The following SKAP1 variants were observed in gnomAD, a reference collection of about 807,000 sequenced individuals.
SKAP1 encodes the protein src kinase associated phosphoprotein 1.
A neutral mutation model predicts 58.5 loss-of-function variants in SKAP1; 44 were observed. The observed-to-expected ratio is 0.75, with a 90% CI of 0.59 to 0.97. The LOEUF (loss-of-function observed/expected upper bound fraction) is 0.97, where lower values mean the gene tolerates loss of function less well. Ranked by LOEUF, SKAP1 falls within the 50% of genes least tolerant of loss-of-function variation. The pLI is 0.00. For synonymous variants in SKAP1, 127 were observed against 149.7 expected (o/e 0.85, Z 1.11); for missense variants, 390 against 435.2 (o/e 0.90, Z 0.92).
At chr17:48,214,011 G>A (rs1427323265) in intron 4 of SKAP1, among the ~76,000 whole-genome samples, 2 of 152,114 alleles carry the variant, frequency 1.3e-5, no homozygotes, top group African/African-American at 4.8e-5. Context: ...AACAAAGAGG[G>A]ACATCAAATA....
At chr17:48,292,496 T>C (rs1180787869) in intron 4 of SKAP1, among the ~76,000 whole-genome samples, 3 of 151,862 alleles carry the variant, frequency 2.0e-5, no homozygotes, top group Non-Finnish European at 4.4e-5. Context: ...AAAGAAAAAA[T>C]ACATATTTTA....
intron 1 of SKAP1, among the ~76,000 whole-genome samples, chr17:48,414,744 A>G (rs1023127350): frequency 6.6e-6 from 1 of 152,218 alleles, no homozygotes; most frequent in Non-Finnish European, 1.5e-5. Context: ...GAGGCATGAT[A>G]TGATTATCAC....
chr17:48,348,671 G>A (rs552604055), intron 3 of SKAP1, among the ~76,000 whole-genome samples: 2 of 152,072 alleles, frequency 1.3e-5, no homozygotes, highest in East Asian at 3.9e-4. Flanking sequence ...TTCTGTTTTG[G>A]GATCCAATCC....
chr17:48,329,751 C>T (rs2144260111), intron 4 of SKAP1, among the ~76,000 whole-genome samples: 1 of 152,116 alleles, frequency 6.6e-6, no homozygotes, highest in South Asian at 2.1e-4. Context: ...ACTTCCTTTT[C>T]TGTGAGGCAG....
At chr17:48,373,575 C>T (rs745695419) in intron 2 of SKAP1, among the ~76,000 whole-genome samples, 2 of 152,186 alleles carry the variant, frequency 1.3e-5, no homozygotes, top group African/African-American at 2.4e-5. Context: ...AGCCTATGGG[C>T]ATGAATCAAC....
chr17:48,407,317 AG>A (rs1362264207), intron 1 of SKAP1, among the ~76,000 whole-genome samples: 1 of 152,208 alleles, frequency 6.6e-6, no homozygotes, highest in Non-Finnish European at 1.5e-5. Context: ...TATGGGGAAA[AG>A]GAGGAAGGAA....
intron 4 of SKAP1, among the ~76,000 whole-genome samples, chr17:48,306,206 A>T (rs2066139782): frequency 6.6e-6 from 1 of 152,242 alleles, no homozygotes; most frequent in African/African-American, 2.4e-5. Context: ...AAAAGATGGC[A>T]GATTAGTCCA....
chr17:48,409,820 A>T (rs950033581), intron 1 of SKAP1, among the ~76,000 whole-genome samples: 4 of 152,224 alleles, frequency 2.6e-5, no homozygotes, highest in African/African-American at 9.6e-5. Context: ...GACATCATGC[A>T]TTTGTTGAAA....
At chr17:48,405,820 T>C (rs1470353865) in intron 1 of SKAP1, among the ~76,000 whole-genome samples, 1 of 151,950 alleles carries the variant, frequency 6.6e-6, no homozygotes, top group East Asian at 1.9e-4. Flanking sequence ...TTTACACTTA[T>C]ATCTCAGTTC....
intron 3 of SKAP1, among the ~76,000 whole-genome samples, chr17:48,351,255 T>G (rs1053197028): frequency 2.2e-4 from 33 of 152,374 alleles, no homozygotes; most frequent in Non-Finnish European, 4.6e-4. Flanking sequence ...CATACCATTT[T>G]GCACATATTC....
At chr17:48,299,116 C>A (rs1309268802) in intron 4 of SKAP1, among the ~76,000 whole-genome samples, 1 of 152,148 alleles carries the variant, frequency 6.6e-6, no homozygotes, top group Non-Finnish European at 1.5e-5. Flanking sequence ...TGTGGGTGAT[C>A]ACAGAATGTT....
intron 10 of SKAP1, 81 bp downstream of exon 10, chr17:48,170,528 T>G (rs1267991086): frequency 5.9e-6 from 7 of 1,187,282 alleles, no homozygotes; most frequent in Middle Eastern, 1.9e-4. Flanking sequence ...GTAATTTTTG[T>G]AGTCTCAGAG....
intron 10 of SKAP1, among the ~76,000 whole-genome samples, chr17:48,169,502 TC>T (rs2143352580): frequency 6.6e-6 from 1 of 152,326 alleles, no homozygotes; most frequent in South Asian, 2.1e-4. Flanking sequence ...GTGTTCACTA[TC>T]ATGAGGTACT....
At chr17:48,407,671 C>A (rs1482181152) in intron 1 of SKAP1, among the ~76,000 whole-genome samples, 1 of 152,058 alleles carries the variant, frequency 6.6e-6, no homozygotes, top group Non-Finnish European at 1.5e-5. Flanking sequence ...CCAGCGTGGG[C>A]AACATGATGA....
chr17:48,385,382 A>G (rs1275955805), intron 2 of SKAP1, among the ~76,000 whole-genome samples: 3 of 152,188 alleles, frequency 2.0e-5, no homozygotes, highest in African/African-American at 7.2e-5. Context: ...GTAGGACACA[A>G]TGATTTTATT....
chr17:48,377,573 G>C (rs1250390150), intron 2 of SKAP1, among the ~76,000 whole-genome samples: 2 of 125,970 alleles, frequency 1.6e-5, no homozygotes, highest in Non-Finnish European at 3.3e-5. Flanking sequence ...GCAAGACCCT[G>C]TCTCAAAAAA....
chr17:48,145,419 G>A (rs201268681), intron 11 of SKAP1, among the ~76,000 whole-genome samples: 18 of 146,920 alleles, frequency 1.2e-4, no homozygotes, highest in Non-Finnish European at 1.7e-4. Flanking sequence ...CATCAACAAG[G>A]AAAAAAAAAA....
At chr17:48,367,578 A>ATATAT (rs2067025197) in intron 2 of SKAP1, among the ~76,000 whole-genome samples, 3 of 104,414 alleles carry the variant, frequency 2.9e-5, no homozygotes, top group Non-Finnish European at 4.9e-5. Flanking sequence ...ATATATATAT[A>ATATAT]ATCATACTGT....
intron 4 of SKAP1, among the ~76,000 whole-genome samples, chr17:48,207,314 C>A (rs182186654): frequency 6.6e-6 from 1 of 151,762 alleles, no homozygotes; most frequent in South Asian, 2.1e-4. Flanking sequence ...ATGCAGAAAC[C>A]ATCTCTACTA....
Sources: gnomAD v4.1 joint callset for allele counts (sites outside exome capture counted in the v4.1 genomes callset) on GRCh38, gnomAD v4.1.1 for gene constraint, MANE v1.5 for transcripts, NCBI Gene and HGNC (gene_info 2026-07-23, HGNC 2026-07-21) for gene names.